The following AGMO variants were observed in gnomAD, a reference collection of about 807,000 sequenced individuals.
AGMO encodes the protein alkylglycerol monooxygenase, also known as glyceryl-ether monooxygenase.
A neutral mutation model predicts 60.2 loss-of-function variants in AGMO; 75 were observed. That is an observed-to-expected ratio of 1.25 (90% CI 1.03 to 1.51). The LOEUF (loss-of-function observed/expected upper bound fraction) is 1.51, where lower values mean the gene tolerates loss of function less well. AGMO is among the 40% of genes most tolerant of loss of function. The pLI, the probability that AGMO is intolerant of heterozygous loss-of-function variation, is 0.00. For missense variants in AGMO, 763 were observed against 525.5 expected, an observed-to-expected ratio of 1.45 and a Z score of -4.42; for synonymous variants, 261 against 177.1, an observed-to-expected ratio of 1.47 and a Z score of -3.76.
chr7:15,309,651 ATATG>A (rs1285890376), intron 12 of AGMO, among the ~76,000 whole-genome samples: 3 of 152,132 alleles, frequency 2.0e-5, no homozygotes, highest in Non-Finnish European at 4.4e-5. Context: ...AGGTGCATAT[ATATG>A]TATGTGTAGA....
intron 12 of AGMO, among the ~76,000 whole-genome samples, chr7:15,256,994 G>T (rs1346251291): frequency 6.6e-6 from 1 of 152,106 alleles, no homozygotes; most frequent in African/African-American, 2.4e-5. Context: ...ACAAAGAGGT[G>T]CATTTCTTTT....
intron 12 of AGMO, among the ~76,000 whole-genome samples, chr7:15,265,978 T>G (rs1783420616): frequency 2.6e-5 from 4 of 152,108 alleles, no homozygotes; most frequent in African/African-American, 9.7e-5. Flanking sequence ...TGATGTATGC[T>G]ACAATATGGA....
intron 12 of AGMO, among the ~76,000 whole-genome samples, chr7:15,359,682 C>G (rs1462595351): frequency 6.6e-6 from 1 of 152,180 alleles, no homozygotes; most frequent in African/African-American, 2.4e-5. Flanking sequence ...CAACTAAACT[C>G]CTACCCCTGG....
At chr7:15,118,165 TAAAG>T in the AGMO span, among the ~76,000 whole-genome samples, 4 of 49,060 alleles carry the variant, frequency 8.2e-5, no homozygotes, top group Non-Finnish European at 8.9e-5. Context: ...TAAAAACCAC[TAAAG>T]AGAAACACAC....
At chr7:15,249,452 G>A (rs1583327571) in intron 12 of AGMO, among the ~76,000 whole-genome samples, 1 of 152,136 alleles carries the variant, frequency 6.6e-6, no homozygotes, top group Non-Finnish European at 1.5e-5. Flanking sequence ...TTGTTATTTA[G>A]AGTGTATGAC....
At chr7:15,520,134 A>T (rs1783940594) in intron 3 of AGMO, among the ~76,000 whole-genome samples, 1 of 152,206 alleles carries the variant, frequency 6.6e-6, no homozygotes. Context: ...CATCAATGCA[A>T]CAAGAAGAGC....
chr7:15,507,033 G>T (rs567212635), intron 3 of AGMO, among the ~76,000 whole-genome samples: 4 of 152,064 alleles, frequency 2.6e-5, no homozygotes, highest in Non-Finnish European at 4.4e-5. Context: ...ATTGACAATG[G>T]TGCTTTATTT....
chr7:15,199,777 A>G (rs1696093336), downstream of AGMO, among the ~76,000 whole-genome samples: 1 of 152,228 alleles, frequency 6.6e-6, no homozygotes, highest in South Asian at 2.1e-4. Context: ...CGTATTGTCT[A>G]TAACTATGTG....
At chr7:15,312,858 A>AT (rs1780807079) in intron 12 of AGMO, among the ~76,000 whole-genome samples, 2 of 151,966 alleles carry the variant, frequency 1.3e-5, no homozygotes, top group Admixed American at 1.3e-4. Context: ...TAGTAAAGAC[A>AT]GGGTTTTGCC....
chr7:15,288,100 C>T (rs566700052), intron 12 of AGMO, among the ~76,000 whole-genome samples: 4 of 151,964 alleles, frequency 2.6e-5, no homozygotes, highest in Admixed American at 6.5e-5. Context: ...CTCGGCTCGC[C>T]GCAAGCTCCG....
At chr7:15,297,462 C>G (rs1583377017) in intron 12 of AGMO, among the ~76,000 whole-genome samples, 1 of 152,082 alleles carries the variant, frequency 6.6e-6, no homozygotes, top group South Asian at 2.1e-4. Flanking sequence ...TTTTCAGCAT[C>G]TAATGACTCA....
chr7:15,304,707 T>C (rs1233918016), intron 12 of AGMO, among the ~76,000 whole-genome samples: 3 of 152,046 alleles, frequency 2.0e-5, no homozygotes, highest in African/African-American at 7.2e-5. Context: ...TAAACCGACA[T>C]ATTTATTTTA....
intron 3 of AGMO, among the ~76,000 whole-genome samples, chr7:15,466,722 A>C (rs1782300898): frequency 6.6e-6 from 1 of 152,208 alleles, no homozygotes; most frequent in African/African-American, 2.4e-5. Flanking sequence ...AGTATCGCTA[A>C]GGAGTTAAAG....
intron 12 of AGMO, among the ~76,000 whole-genome samples, chr7:15,339,397 A>G (rs765383332): frequency 3.3e-5 from 5 of 152,202 alleles, no homozygotes; most frequent in African/African-American, 7.2e-5. Flanking sequence ...TTATTTGAGG[A>G]TAAGTACACT....
At chr7:15,483,392 C>A (rs1180335176) in intron 3 of AGMO, among the ~76,000 whole-genome samples, 1 of 147,220 alleles carries the variant, frequency 6.8e-6, no homozygotes, top group Admixed American at 7.0e-5. Flanking sequence ...CGGTGAAACC[C>A]CGTCTCTACT....
intron 12 of AGMO, among the ~76,000 whole-genome samples, chr7:15,268,908 G>A (rs868509160): frequency 6.6e-6 from 1 of 152,034 alleles, no homozygotes; most frequent in East Asian, 1.9e-4. Context: ...ACTTGTAGTA[G>A]TCATGACTGT....
At chr7:15,139,131 C>G in the AGMO span, among the ~76,000 whole-genome samples, 2 of 151,988 alleles carry the variant, frequency 1.3e-5, no homozygotes, top group Non-Finnish European at 2.9e-5. Context: ...TGTTATTATT[C>G]TTATCACATA....
chr7:15,360,632 GGTTGGAGGA>G (rs1370191332), intron 12 of AGMO, among the ~76,000 whole-genome samples: 1 of 151,974 alleles, frequency 6.6e-6, no homozygotes, highest in Admixed American at 6.6e-5. Flanking sequence ...GAGTGGCAGA[GGTTGGAGGA>G]GGTGGAGGAG....
At chr7:15,502,750 G>A (rs934219278) in intron 3 of AGMO, among the ~76,000 whole-genome samples, 10 of 152,152 alleles carry the variant, frequency 6.6e-5, no homozygotes, top group Admixed American at 1.3e-4. Context: ...ATCAGGTAAC[G>A]TATTGAATGA....
Sources: allele counts gnomAD v4.1 joint callset (sites outside exome capture counted in the v4.1 genomes callset), GRCh38; gene constraint gnomAD v4.1.1; transcripts MANE v1.5; gene names NCBI Gene and HGNC (gene_info 2026-07-23, HGNC 2026-07-21).